The following RADIL variants were observed in gnomAD, a reference collection of about 807,000 sequenced individuals.
The protein encoded by RADIL is ras-associating and dilute domain-containing protein.
Under a neutral mutation model 97.6 loss-of-function variants are expected in RADIL, and 99 were observed. The observed-to-expected ratio is 1.01, with a 90% CI of 0.86 to 1.20. The LOEUF is 1.20. RADIL is among the 50% of genes most tolerant of loss of function. RADIL has a pLI of 0.00. For synonymous variants in RADIL, 803 were observed against 691.8 expected (o/e 1.16, Z -2.52); for missense variants, 1,765 against 1,498.9 (o/e 1.18, Z -2.93).
Position 4,815,955 on chromosome 7 carries a change from C to T in RADIL, c.1966+273G>A, listed in dbSNP as rs1391861997. Among the ~76,000 whole-genome samples the T allele has an allele frequency of 6.6e-6, 1 of 152,198 alleles. No individual in the cohort carries two copies. Among genetic ancestry groups the T allele is most frequent in the Admixed American group, 6.5e-5 (1 of 15,284 alleles). On this transcript the variant is annotated intron_variant, in intron 8 of 14. Coordinates refer to ENST00000399583, the MANE Select transcript of RADIL (RefSeq NM_018059.5). This position sits in a 1 kb window ranked among gnomAD's most constrained non-coding sequence, Gnocchi z 8.0. ...GGACAGTCCAATGATGCCCTGAGCCCGTTCCCTCCCTGTCACGGGGAAGGG... is the reference window on the plus strand; with the variant it reads ...GGACAGTCCAATGATGCCCTGAGCCTGTTCCCTCCCTGTCACGGGGAAGGG...
intron 2 of RADIL, chr7:4,861,858 T>TCACGTCCCCCACCACCGCGACCTC: frequency 2.3e-6 from 3 of 1,291,340 alleles, no homozygotes; most frequent in Non-Finnish European, 3.0e-6. Context: ...ACCGCGACCT[T>TCACGTCCCCCACCACCGCGACCTC]CGCGGCCGCC....
intron 2 of RADIL, among the ~76,000 whole-genome samples, chr7:4,874,151 C>T (rs372610007): frequency 4.6e-5 from 7 of 152,324 alleles, no homozygotes; most frequent in African/African-American, 1.4e-4. Flanking sequence ...ACGGAAAGGC[C>T]GTGCAGGTGT....
At position 4,817,475 on chromosome 7, in the gene RADIL, A is replaced by G; in HGVS notation, c.1616-124T>C. 1.3e-6 allele frequency: 1 copy of G among 778,300 alleles called. No individual in the cohort carries two copies. Among genetic ancestry groups the G allele is most frequent in the South Asian group, 1.8e-5 (1 of 55,340 alleles). The allele number at this position is 778,300 out of a possible 1,614,324, so 48.2% of individuals were successfully genotyped here. A position where few individuals can be genotyped will look rare whatever the true frequency, so the allele number is the denominator to read the frequency against. ...CCCAACGCGCCCATCTGGGGTCCAG[A>G]TGCGATAAACTGGCCGAGGGACTCT... is the stretch of plus-strand genomic sequence containing the variant. On this transcript the variant is annotated intron_variant, in intron 6 of 14. Transcript: ENST00000399583. The surrounding 1 kb of genome is among the most constrained non-coding windows in gnomAD (Gnocchi z 8.3).
intron 2 of RADIL, among the ~76,000 whole-genome samples, chr7:4,847,528 C>CAA (rs1004864270): frequency 1.2e-4 from 19 of 152,164 alleles, no homozygotes; most frequent in African/African-American, 4.6e-4. Context: ...CACGTCCACG[C>CAA]AAATGCTTAT....
chr7:4,843,965 A>G (rs1783508303), intron 2 of RADIL, among the ~76,000 whole-genome samples: 1 of 151,716 alleles, frequency 6.6e-6, no homozygotes, highest in African/African-American at 2.4e-5. Context: ...AAACAGGAAC[A>G]TATTAGCCTC....
At chr7:4,827,915 C>CAAAAA (rs200854596) in intron 5 of RADIL, among the ~76,000 whole-genome samples, 3 of 148,194 alleles carry the variant, frequency 2.0e-5, no homozygotes, top group Non-Finnish European at 3.0e-5. Flanking sequence ...AACAAACAAA[C>CAAAAA]AAAAAAAAAC....
At chr7:4,833,025 C>G (rs375432116) in intron 4 of RADIL, among the ~76,000 whole-genome samples, 23 of 152,302 alleles carry the variant, frequency 1.5e-4, no homozygotes, top group South Asian at 8.3e-4. Context: ...AGCTCAATCT[C>G]TGGACCAGGC....
In RADIL at chr7:4,834,552, C is replaced by T. The variant is rs1041461201; in HGVS notation, c.1416+55G>A. 2.2e-5 allele frequency: 28 copies of T among 1,294,558 alleles called. No individual in the cohort carries two copies. Among genetic ancestry groups the T allele is most frequent in the Admixed American group, 3.2e-5 (1 of 31,356 alleles). 80.2% of individuals were successfully genotyped at this position (1,294,558 alleles called of 1,614,324 possible). On this transcript the variant is annotated intron_variant, in intron 4 of 14. Transcript: ENST00000399583. This position sits in a 1 kb window ranked among gnomAD's most constrained non-coding sequence, Gnocchi z 6.0. ...CTCCCAGCCGGGGCCAGCTCCGGGC[C>T]CCCTCTTCCCCCAGACCGGCACAGG...
At position 4,807,379 on chromosome 7, in the gene RADIL, C is replaced by T. The variant is rs117118254; in HGVS notation, c.2140-1663G>A. Among the ~76,000 whole-genome samples, 1,092 of 152,108 alleles carry T rather than the reference C, an allele frequency of 7.2e-3. 10 individuals are homozygous for T. Among genetic ancestry groups the T allele is most frequent in the Non-Finnish European group, 0.012 (803 of 67,964 alleles). ...TCTGTTTGATTGTGAGTTCCTAGAA[C>T]CTTCTCTACTCTCACTTCTGTGCTT... On this transcript the variant is annotated intron_variant, in intron 9 of 14. Transcript: ENST00000399583.
chr7:4,840,004 C>T lies in RADIL; in HGVS notation c.536-3399G>A, dbSNP rs1783401783. Among the ~76,000 whole-genome samples, 1 of 152,198 alleles carries T rather than the reference C, an allele frequency of 6.6e-6. No homozygotes were observed. The highest frequency in any genetic ancestry group is 1.5e-5 in the Non-Finnish European group (1 of 68,038). On this transcript the variant is annotated intron_variant, in intron 2 of 14. Coordinates refer to ENST00000399583, the MANE Select transcript of RADIL (RefSeq NM_018059.5). The surrounding 1 kb of genome is among the most constrained non-coding windows in gnomAD (Gnocchi z 5.6). ...CCTCAAGTGATCCGCCCACCTCGGC[C>T]TCCCAAAGTGTTGGAATTACAGGCG... is the stretch of plus-strand genomic sequence containing the variant.
chr7:4,881,227 A>G (rs58152198), intron 1 of RADIL, among the ~76,000 whole-genome samples: 7,278 of 146,674 alleles, frequency 0.05, 566 homozygotes, highest in African/African-American at 0.17. Flanking sequence ...CATCCTGGCT[A>G]ACACTATGAA....
rs753802793 is a variant in RADIL, at chr7:4,816,481, G to A, written c.1729-16C>T. ...TGTACAGGGACTGGCGGGGGCAAGA[G>A]GAGAACAGCAACCAGCATTTCCAGG... On this transcript the variant is annotated splice_polypyrimidine_tract_variant and intron_variant, in intron 7 of 14. Transcript: ENST00000399583. 9.7e-5 allele frequency: 154 copies of A among 1,588,668 alleles called. No individual in the cohort carries two copies. The highest frequency in any genetic ancestry group is 1.3e-4 in the Non-Finnish European group (149 of 1,162,672).
Position 4,815,463 on chromosome 7 carries a change from G to A in RADIL, c.1967-13C>T. 1 of 1,493,076 alleles carries A rather than the reference G, an allele frequency of 6.7e-7. No homozygotes were observed. Among genetic ancestry groups the A allele is most frequent in the Non-Finnish European group, 8.9e-7 (1 of 1,118,442 alleles). The allele number at this position is 1,493,076 out of a possible 1,614,324, so 92.5% of individuals were successfully genotyped here. A position where few individuals can be genotyped will look rare whatever the true frequency, so the allele number is the denominator to read the frequency against. ...CTCAGGGAGGGGCCTGTGGAGGGAAGAAGGGAGGGTGATGCCTGGGCTGCC... is the reference window on the plus strand; with the variant it reads ...CTCAGGGAGGGGCCTGTGGAGGGAAAAAGGGAGGGTGATGCCTGGGCTGCC... On this transcript the variant is annotated splice_polypyrimidine_tract_variant and intron_variant, in intron 8 of 14. Transcript: ENST00000399583. The surrounding 1 kb of genome is among the most constrained non-coding windows in gnomAD (Gnocchi z 8.0).
At chr7:4,858,440 C>G (rs1783889122) in intron 2 of RADIL, 1 of 152,450 alleles carries the variant, frequency 6.6e-6, no homozygotes, top group Admixed American at 6.5e-5. Flanking sequence ...TAAAGTATTG[C>G]TGATCTTTTG....
intron 2 of RADIL, among the ~76,000 whole-genome samples, chr7:4,852,498 G>A (rs915184131): frequency 2.6e-5 from 4 of 152,158 alleles, no homozygotes; most frequent in Admixed American, 6.5e-5. Flanking sequence ...GCCCAGGCTG[G>A]AGTGCAGTGG....
chr7:4,863,813 G>A (rs1458483427), intron 2 of RADIL, among the ~76,000 whole-genome samples: 1 of 152,146 alleles, frequency 6.6e-6, no homozygotes, highest in Non-Finnish European at 1.5e-5. Context: ...TACCTTTTAA[G>A]GTCCCAAGAG....
chr7:4,817,453 A>C lies in RADIL; in HGVS notation c.1616-102T>G. ...TCTTTCCCTGGCGCGGGCACCACCC[A>C]ACGCGCCCATCTGGGGTCCAGATGC... is the stretch of plus-strand genomic sequence containing the variant. On this transcript the variant is annotated intron_variant, in intron 6 of 14. Transcript: ENST00000399583. The surrounding 1 kb of genome is among the most constrained non-coding windows in gnomAD (Gnocchi z 8.3). 3 of 990,988 alleles carry C rather than the reference A, an allele frequency of 3.0e-6. No homozygotes were observed. Among genetic ancestry groups the C allele is most frequent in the South Asian group, 1.6e-5 (1 of 63,188 alleles). 61.4% of individuals were successfully genotyped at this position (990,988 alleles called of 1,614,324 possible).
At chr7:4,860,052 C>T in intron 2 of RADIL, 1 of 1,614,008 alleles carries the variant, frequency 6.2e-7, no homozygotes, top group East Asian at 2.2e-5. Flanking sequence ...AATGCAACCC[C>T]TGAACTTTCA....
rs926892329 is a variant in RADIL at position 4,819,640 on chromosome 7, T to G, written c.1616-2289A>C. Among the ~76,000 whole-genome samples, 1 of 152,110 alleles carries G rather than the reference T, an allele frequency of 6.6e-6. No homozygotes were observed. The highest frequency in any genetic ancestry group is 1.5e-5 in the Non-Finnish European group (1 of 67,998). On this transcript the variant is annotated intron_variant, in intron 6 of 14. Coordinates refer to ENST00000399583, the MANE Select transcript of RADIL (RefSeq NM_018059.5). The surrounding 1 kb of genome is among the most constrained non-coding windows in gnomAD (Gnocchi z 5.8). ...TCAGAGCTTTGTACAAAACAGTGTT[T>G]GCGGAATGACAACAGCCACGTGACC...
Sources: allele counts gnomAD v4.1 joint callset (sites outside exome capture counted in the v4.1 genomes callset), GRCh38; gene constraint gnomAD v4.1.1; non-coding constraint Gnocchi (gnomAD v3.1); transcripts MANE v1.5; gene names NCBI Gene and HGNC (gene_info 2026-07-23, HGNC 2026-07-21).